The following POLE2 variants were observed in gnomAD, a reference collection of about 807,000 sequenced individuals.
The protein encoded by POLE2 is DNA polymerase epsilon subunit 2.
Under a neutral mutation model 79.4 loss-of-function variants are expected in POLE2, and 56 were observed. The observed-to-expected ratio is 0.71, with a 90% CI of 0.57 to 0.88. POLE2 has a LOEUF of 0.88. POLE2 is among the 40% of genes least tolerant of loss of function. The pLI is 0.00. For missense variants in POLE2, 598 were observed against 638.9 expected, an observed-to-expected ratio of 0.94 and a Z score of 0.69; for synonymous variants, 212 against 214.0, an observed-to-expected ratio of 0.99 and a Z score of 0.08.
intron 3 of POLE2, chr14:49,677,550 C>T (rs1270619723): frequency 1.7e-5 from 8 of 483,668 alleles, no homozygotes; most frequent in Non-Finnish European, 3.0e-5. Flanking sequence ...ACTAGGCGAC[C>T]CAGCAGTGCA....
At position 49,679,713 on chromosome 14, in the gene POLE2, G is replaced by C; in HGVS notation, c.245+12C>G. ...CCTCCAAGGAGGAAAAAAGTTAACT[G>C]TACCCACATACATAGTTTCATCAAC... On this transcript the variant is annotated intron_variant, in intron 3 of 18. Transcript: ENST00000216367. 6.7e-7 allele frequency: 1 copy of C among 1,485,894 alleles called. No individual in the cohort carries two copies. The allele number at this position is 1,485,894 out of a possible 1,614,324, so 92.0% of individuals were successfully genotyped here.
intron 15 of POLE2, among the ~76,000 whole-genome samples, chr14:49,652,374 C>A (rs985008122): frequency 1.3e-5 from 2 of 150,446 alleles, no homozygotes. Context: ...TTGTAATAAT[C>A]CAGGCCGAGA....
chr14:49,650,553 A>G, intron 16 of POLE2, 112 bp from the exon 17 acceptor site: 1 of 608,280 alleles, frequency 1.6e-6, no homozygotes, highest in Non-Finnish European at 2.5e-6. Flanking sequence ...AGAAAATTTG[A>G]GAAACTAGGA....
intron 1 of POLE2, among the ~76,000 whole-genome samples, chr14:49,686,752 C>A (rs918225880): frequency 6.6e-6 from 1 of 152,142 alleles, no homozygotes; most frequent in African/African-American, 2.4e-5. Flanking sequence ...TGAACAAAAG[C>A]TTAATATTAG....
At chr14:49,653,300 G>A (rs1884412491) in intron 15 of POLE2, among the ~76,000 whole-genome samples, 2 of 152,338 alleles carry the variant, frequency 1.3e-5, no homozygotes, top group Admixed American at 6.5e-5. Context: ...AATGTAGGCA[G>A]AAAAGAGGCG....
At chr14:49,675,246 A>G (rs1158374481) in intron 3 of POLE2, among the ~76,000 whole-genome samples, 4 of 151,756 alleles carry the variant, frequency 2.6e-5, no homozygotes, top group Non-Finnish European at 1.5e-5. Context: ...CACCACGCCC[A>G]GCTAATTTTG....
At chr14:49,657,157 A>G (rs1310043801) in intron 10 of POLE2, among the ~76,000 whole-genome samples, 2 of 151,910 alleles carry the variant, frequency 1.3e-5, no homozygotes, top group African/African-American at 4.8e-5. Flanking sequence ...TAATTGGGCG[A>G]TTGTTTCATG....
intron 2 of POLE2, among the ~76,000 whole-genome samples, chr14:49,682,905 A>G (rs1463925739): frequency 6.6e-6 from 1 of 151,630 alleles, no homozygotes; most frequent in African/African-American, 2.4e-5. Context: ...CCTCCCAAAC[A>G]TTTAGGAGTT....
At chr14:49,678,666 AT>A (rs1254068639) in intron 3 of POLE2, among the ~76,000 whole-genome samples, 6 of 151,566 alleles carry the variant, frequency 4.0e-5, no homozygotes, top group Admixed American at 2.0e-4. Context: ...TATTTTATGT[AT>A]TTTTTTTGAG....
chr14:49,685,949 C>A (rs1351172316), intron 1 of POLE2, among the ~76,000 whole-genome samples: 1 of 152,092 alleles, frequency 6.6e-6, no homozygotes, highest in African/African-American at 2.4e-5. Context: ...TTCTTTAAGT[C>A]AGCCCAAACC....
At chr14:49,646,274 C>G (rs1320471099) in intron 18 of POLE2, among the ~76,000 whole-genome samples, 1 of 118,836 alleles carries the variant, frequency 8.4e-6, no homozygotes, top group Non-Finnish European at 1.7e-5. Flanking sequence ...AGGGGAGTTA[C>G]TTGATTTGGT....
rs1566548566 is a variant in POLE2, at chr14:49,664,683, C to G, written c.634-9G>C. On this transcript the variant is annotated splice_polypyrimidine_tract_variant and intron_variant, in intron 8 of 18. Transcript: ENST00000216367. ...AAACCACTATGGAACTGGTACACAA[C>G]AGTTGAGGAAAATAATTCTATTCTT... 1.3e-6 allele frequency: 2 copies of G among 1,552,896 alleles called. No homozygotes were observed. The highest frequency in any genetic ancestry group is 2.2e-5 in the South Asian group (2 of 89,446).
chr14:49,643,875 CTTTTT>C (rs11361567), intron 18 of POLE2, among the ~76,000 whole-genome samples: 2 of 53,200 alleles, frequency 3.8e-5, no homozygotes, highest in Non-Finnish European at 7.4e-5. Flanking sequence ...AAATGTATGT[CTTTTT>C]TTTTTTTTTT....
intron 3 of POLE2, chr14:49,677,276 C>T (rs181063502): frequency 1.4e-4 from 83 of 598,818 alleles, no homozygotes; most frequent in East Asian, 1.1e-3. Flanking sequence ...CTGCTGCTTC[C>T]GTTCTTTAAG....
At chr14:49,653,187 G>C (rs922952597) in intron 15 of POLE2, among the ~76,000 whole-genome samples, 72 of 152,306 alleles carry the variant, frequency 4.7e-4, no homozygotes, top group African/African-American at 1.7e-3. Context: ...CCTGAGTCTG[G>C]AGTTTGGAAG....
At chr14:49,663,293 T>A in intron 10 of POLE2, 22 bp downstream of exon 10, 1 of 1,396,382 alleles carries the variant, frequency 7.2e-7, no homozygotes, top group Admixed American at 1.8e-5. Context: ...TCCCATAGAG[T>A]ATAAACCAAA....
intron 10 of POLE2, among the ~76,000 whole-genome samples, chr14:49,658,304 C>T (rs1178788010): frequency 1.3e-5 from 2 of 152,040 alleles, no homozygotes; most frequent in Non-Finnish European, 2.9e-5. Context: ...TCTCGATCTC[C>T]TGACCTCGTG....
chr14:49,685,650 G>A (rs1887073480), intron 1 of POLE2, among the ~76,000 whole-genome samples: 3 of 151,342 alleles, frequency 2.0e-5, no homozygotes, highest in Admixed American at 2.0e-4. Context: ...ATGGAGTCTC[G>A]CTCTCTTACC....
chr14:49,655,095 C>A lies in POLE2; in HGVS notation c.929-1G>T. 1 of 1,479,662 alleles carries A rather than the reference C, an allele frequency of 6.8e-7. No homozygotes were observed. The highest frequency in any genetic ancestry group is 1.4e-5 in the South Asian group (1 of 72,912). 91.7% of individuals were successfully genotyped at this position (1,479,662 alleles called of 1,614,324 possible). Reference sequence around the variant, plus strand: ...CAGGTTGGAGGTGCTGGTGAATAACCTAAACAATAAAAGAGTAAATGAACA... The same window carrying A: ...CAGGTTGGAGGTGCTGGTGAATAACATAAACAATAAAAGAGTAAATGAACA... On this transcript the variant is annotated splice_acceptor_variant, in intron 11 of 18. Transcript: ENST00000216367. LOFTEE classifies it high-confidence loss of function.
Sources: gnomAD v4.1 joint callset for allele counts (sites outside exome capture counted in the v4.1 genomes callset) on GRCh38, gnomAD v4.1.1 for gene constraint, MANE v1.5 for transcripts, NCBI Gene and HGNC (gene_info 2026-07-23, HGNC 2026-07-21) for gene names.